The following CDH23 variants were observed in gnomAD, a reference collection of about 807,000 sequenced individuals.
The protein encoded by CDH23 is cadherin related 23.
Under a neutral mutation model 317.1 loss-of-function variants are expected in CDH23, and 189 were observed. That is an observed-to-expected ratio of 0.60 (90% CI 0.53 to 0.67). The LOEUF (loss-of-function observed/expected upper bound fraction) is 0.67. CDH23 is among the 30% of genes least tolerant of loss of function. CDH23 has a pLI of 0.00. For missense variants in CDH23, 4,401 were observed against 4,592.4 expected, an observed-to-expected ratio of 0.96 and a Z score of 1.20; for synonymous variants, 1,839 against 1,876.8, an observed-to-expected ratio of 0.98 and a Z score of 0.52.
chr10:71,510,311 T>C, intron 4 of CDH23, 87 bp downstream of exon 4: 1 of 1,484,124 alleles, frequency 6.7e-7, no homozygotes, highest in Non-Finnish European at 9.2e-7. Flanking sequence ...TCTTTTGGCG[T>C]CTTCCTCTAA....
At position 71,738,760 on chromosome 10, in the gene CDH23, G is replaced by A. The variant is rs142853813; in HGVS notation, c.4359+113G>A. ...CCATCACCAAGCACCAGGTTCTTCC[G>A]GTCTCTGCCCCTGCAATCACCCAGT... On this transcript the variant is annotated intron_variant, in intron 35 of 69. Transcript: ENST00000224721. 4,431 of 1,306,040 alleles carry A rather than the reference G, an allele frequency of 3.4e-3. 15 individuals are homozygous for A. Among genetic ancestry groups the A allele is most frequent in the Non-Finnish European group, 3.8e-3 (3,664 of 956,862 alleles). The allele number at this position is 1,306,040 out of a possible 1,614,324, so 80.9% of individuals were successfully genotyped here. A position where few individuals can be genotyped will look rare whatever the true frequency, so the allele number is the denominator to read the frequency against.
chr10:71,517,773 G>A (rs1011804420), intron 6 of CDH23, among the ~76,000 whole-genome samples: 2 of 152,180 alleles, frequency 1.3e-5, no homozygotes, highest in Non-Finnish European at 2.9e-5. Flanking sequence ...ATAAATCATC[G>A]CAGGGGCTCT....
At chr10:71,798,218 C>T (rs1367652409) in intron 49 of CDH23, 136 bp from the exon 50 acceptor site, 15 of 665,012 alleles carry the variant, frequency 2.3e-5, no homozygotes, top group Non-Finnish European at 3.0e-5. Flanking sequence ...GCCTGAGGGT[C>T]AGGTCAATCC....
chr10:71,700,596 C>T (rs1054705034), intron 22 of CDH23, among the ~76,000 whole-genome samples: 1 of 152,200 alleles, frequency 6.6e-6, no homozygotes, highest in African/African-American at 2.4e-5. Context: ...GTGCCCACAG[C>T]AAGATAAGGA....
chr10:71,779,161 G>T, intron 40 of CDH23, 106 bp from the exon 41 acceptor site: 1 of 1,032,296 alleles, frequency 9.7e-7, no homozygotes, highest in Non-Finnish European at 1.5e-6. Flanking sequence ...TCCTGCATGG[G>T]CCTCATGAGG....
Position 71,646,516 on chromosome 10 carries a change from C to G in CDH23, c.1348C>G (p.Leu450Val). Residue 450 changes from leucine to valine, a missense_variant, in exon 14 of 70, where the codon CTC (leucine) becomes GTC (valine). Leu to Val is a conservative substitution (Grantham distance 32). Around this residue, in one of 3 missense-constraint regions of CDH23, gnomAD observed 3,068 missense variants for 3,203.3 expected, o/e 0.96. Coordinates refer to ENST00000224721, the MANE Select transcript of CDH23 (RefSeq NM_022124.6). Reference protein sequence around the residue: ...HVGYAKVKITLINENDNRPIF... With the variant: ...HVGYAKVKITVINENDNRPIF... ...GGGCTATGCCAAGGTGAAGATCACT[C>G]TCATCAATGAAAATGACAACCGGCC... The G allele has an allele frequency of 1.2e-6, 2 of 1,613,950 alleles. No individual in the cohort carries two copies. The highest frequency in any genetic ancestry group is 1.7e-6 in the Non-Finnish European group (2 of 1,179,884).
intron 9 of CDH23, among the ~76,000 whole-genome samples, chr10:71,603,364 C>T (rs891292053): frequency 2.0e-5 from 3 of 152,198 alleles, no homozygotes; most frequent in Non-Finnish European, 2.9e-5. Context: ...ACTGAGATGG[C>T]TTTATCGGGG....
intron 6 of CDH23, among the ~76,000 whole-genome samples, chr10:71,548,361 C>T (rs1401732267): frequency 6.6e-6 from 1 of 152,094 alleles, no homozygotes. Flanking sequence ...AGGAATATCT[C>T]GAGGTCCAGG....
chr10:71,403,674 G>A (rs1055053012), intron 1 of CDH23, among the ~76,000 whole-genome samples: 8 of 151,002 alleles, frequency 5.3e-5, no homozygotes, highest in Admixed American at 4.6e-4. Flanking sequence ...ACACCACCAC[G>A]CCCAGCTAAT....
intron 16 of CDH23, 107 bp downstream of exon 16, chr10:71,677,800 C>A: frequency 1.1e-6 from 1 of 940,932 alleles, no homozygotes; most frequent in Non-Finnish European, 1.6e-6. Flanking sequence ...AGGTCTCACT[C>A]TTTCACCCAG....
chr10:71,510,377 A>G (rs1361989291), intron 4 of CDH23, among the ~76,000 whole-genome samples, 153 bp downstream of exon 4: 1 of 152,134 alleles, frequency 6.6e-6, no homozygotes, highest in Non-Finnish European at 1.5e-5. Context: ...TTCCTCTTCA[A>G]GGGCCAATGC....
intron 38 of CDH23, among the ~76,000 whole-genome samples, chr10:71,774,481 G>C (rs1046593510): frequency 6.6e-6 from 1 of 152,206 alleles, no homozygotes; most frequent in Non-Finnish European, 1.5e-5. Flanking sequence ...CCTCCAGCCT[G>C]AGATAACCAG....
chr10:71,768,185 G>A (rs940018889), intron 38 of CDH23, among the ~76,000 whole-genome samples: 1 of 152,092 alleles, frequency 6.6e-6, no homozygotes, highest in South Asian at 2.1e-4. Flanking sequence ...TGTTGTTGTT[G>A]TTTGAGATGG....
chr10:71,565,858 A>C (rs188969938), intron 6 of CDH23, among the ~76,000 whole-genome samples: 1 of 152,278 alleles, frequency 6.6e-6, no homozygotes, highest in East Asian at 1.9e-4. Flanking sequence ...CCATCCCTGA[A>C]ACTCTAGCAC....
At chr10:71,607,350 A>G (rs1258117423) in intron 9 of CDH23, among the ~76,000 whole-genome samples, 2 of 152,108 alleles carry the variant, frequency 1.3e-5, no homozygotes, top group Non-Finnish European at 2.9e-5. Context: ...TCCTTGCTCT[A>G]CCTCTCACTG....
chr10:71,810,908 TC>T (rs1841895662), intron 62 of CDH23, among the ~76,000 whole-genome samples: 2 of 151,824 alleles, frequency 1.3e-5, no homozygotes, highest in Non-Finnish European at 2.9e-5. Context: ...TGGAGAAACC[TC>T]GTCTCTACTA....
Position 71,690,550 on chromosome 10 carries a change from A to C in CDH23, c.2142A>C (p.Glu714Asp), listed in dbSNP as rs1309102797. ...AGGAGTCCATCATCTACTCCTTGGA[A>C]GGCTCCACCCAGTTTCGGATCAATG... ...YGQESIIYSLEGSTQFRINAR... is the reference protein window; with the variant it reads ...YGQESIIYSLDGSTQFRINAR... Residue 714 changes from glutamate (E) to aspartate (D), a missense_variant, in exon 20 of 70, where the codon GAA (glutamate) becomes GAC (aspartate). Around this residue, in one of 3 missense-constraint regions of CDH23, gnomAD observed 3,068 missense variants for 3,203.3 expected, o/e 0.96. Coordinates refer to ENST00000224721, the MANE Select transcript of CDH23 (RefSeq NM_022124.6). 1 of 1,608,834 alleles carries C rather than the reference A, an allele frequency of 6.2e-7. No individual in the cohort carries two copies. The highest frequency in any genetic ancestry group is 1.3e-5 in the African/African-American group (1 of 74,796).
intron 31 of CDH23, 117 bp from the exon 32 acceptor site, chr10:71,731,870 G>A: frequency 9.7e-7 from 1 of 1,027,168 alleles, no homozygotes. Flanking sequence ...CGGCAGAGGT[G>A]GGGCAGCCCA....
chr10:71,420,510 TG>T, intron 1 of CDH23, among the ~76,000 whole-genome samples: 1 of 138,786 alleles, frequency 7.2e-6, no homozygotes, highest in Non-Finnish European at 1.6e-5. Context: ...ATGGTGATGG[TG>T]ATGATGGTGA....
Sources: allele counts gnomAD v4.1 joint callset (sites outside exome capture counted in the v4.1 genomes callset), GRCh38; gene constraint gnomAD v4.1.1; regional missense constraint gnomAD v4.1.1; transcripts MANE v1.5; gene names NCBI Gene and HGNC (gene_info 2026-07-23, HGNC 2026-07-21).